SLC25A44: variants seen among roughly 807,000 people sequenced by gnomAD.
SLC25A44 encodes solute carrier family 25, member 44.
In SLC25A44, 17 loss-of-function variants were observed where a neutral mutation model predicts 29.9. The ratio of observed to expected loss-of-function variants is 0.57; its 90% CI spans 0.39 to 0.85. SLC25A44 has a LOEUF of 0.85. SLC25A44 is among the 40% of genes least tolerant of loss of function. The pLI, the probability that SLC25A44 is intolerant of heterozygous loss-of-function variation, is 0.00. For synonymous variants in SLC25A44, 140 were observed against 151.8 expected, an observed-to-expected ratio of 0.92 and a Z score of 0.57; for missense variants, 302 against 398.4, an observed-to-expected ratio of 0.76 and a Z score of 2.06.
intron 2 of SLC25A44, among the ~76,000 whole-genome samples, chr1:156,201,113 AG>A (rs1462805719): frequency 6.6e-6 from 1 of 151,950 alleles, no homozygotes; most frequent in Non-Finnish European, 1.5e-5. Flanking sequence ...GGATTACAGG[AG>A]TGAGACACCA....
chr1:156,206,078 G>C (rs1193160981), intron 2 of SLC25A44, among the ~76,000 whole-genome samples: 5 of 152,002 alleles, frequency 3.3e-5, no homozygotes, highest in Non-Finnish European at 7.4e-5. Flanking sequence ...TGTAGGATGT[G>C]ACTTTCTATT....
chr1:156,207,178 ATTTT>A (rs566114688), intron 2 of SLC25A44, among the ~76,000 whole-genome samples: 3 of 136,050 alleles, frequency 2.2e-5, no homozygotes, highest in South Asian at 2.4e-4. Context: ...TATACAAAAC[ATTTT>A]TTTTTTTTTT....
At chr1:156,206,453 G>T (rs1656938087) in intron 2 of SLC25A44, among the ~76,000 whole-genome samples, 1 of 152,140 alleles carries the variant, frequency 6.6e-6, no homozygotes, top group African/African-American at 2.4e-5. Context: ...GGTCAGGCTA[G>T]TCTCAAATTC....
At chr1:156,205,647 T>C (rs945937933) in intron 2 of SLC25A44, among the ~76,000 whole-genome samples, 4 of 152,128 alleles carry the variant, frequency 2.6e-5, no homozygotes, top group African/African-American at 9.7e-5. Flanking sequence ...TCTCAGAAAA[T>C]AAAAAATAAA....
At position 156,210,354 on chromosome 1, in the gene SLC25A44, A is replaced by G. The variant is rs1657218408; in HGVS notation, c.868A>G (p.Ile290Val). Residue 290 changes from isoleucine to valine, a missense_variant, in exon 4 of 4, where the codon ATT becomes GTT. Transcript: ENST00000359511. The part of the protein sequence containing the change: ...ARIISATPST[I>V]VIVVGYESLK... The stretch of plus-strand genomic sequence containing the variant: ...AATCATCTCAGCCACACCTTCCACC[A>G]TTGTCATTGTGGTGGGCTATGAGAG... 2 of 1,609,076 alleles carry G rather than the reference A, an allele frequency of 1.2e-6. No individual in the cohort carries two copies. Among genetic ancestry groups the G allele is most frequent in the Non-Finnish European group, 1.7e-6 (2 of 1,177,814 alleles).
intron 2 of SLC25A44, among the ~76,000 whole-genome samples, chr1:156,205,034 C>G (rs1257547451): frequency 6.6e-6 from 1 of 151,676 alleles, no homozygotes; most frequent in Non-Finnish European, 1.5e-5. Flanking sequence ...AAACTAGGAG[C>G]ATGAGGAAAA....
At chr1:156,204,296 C>G (rs1176923817) in intron 2 of SLC25A44, among the ~76,000 whole-genome samples, 2 of 151,954 alleles carry the variant, frequency 1.3e-5, no homozygotes, top group Non-Finnish European at 2.9e-5. Context: ...CATGAGCCAC[C>G]GTGCCCTGTC....
chr1:156,194,315 C>G (rs986282812), intron 1 of SLC25A44, 68 bp downstream of exon 1: 3 of 152,672 alleles, frequency 2.0e-5, no homozygotes, highest in Admixed American at 6.5e-5. Flanking sequence ...GTCAGGGAGG[C>G]AAAGGATGCC....
chr1:156,202,037 C>G (rs1656614467), intron 2 of SLC25A44, among the ~76,000 whole-genome samples: 1 of 152,246 alleles, frequency 6.6e-6, no homozygotes, highest in East Asian at 1.9e-4. Context: ...TCATCCCAAG[C>G]TGGCTCTCTT....
intron 2 of SLC25A44, 67 bp downstream of exon 2, chr1:156,200,539 T>G: frequency 7.0e-7 from 1 of 1,430,308 alleles, no homozygotes; most frequent in Non-Finnish European, 9.5e-7. Context: ...TACTGTTGCT[T>G]TGTGCATGTT....
In SLC25A44 at chr1:156,199,992, A is replaced by G. The variant is rs763044202; in HGVS notation, c.145A>G (p.Lys49Glu). Residue 49 changes from lysine to glutamate, a missense_variant, in exon 2 of 4, where the codon AAG (lysine) becomes GAG (glutamate). Lys to Glu is a moderately conservative substitution (Grantham distance 56). Coordinates refer to ENST00000359511, the MANE Select transcript of SLC25A44 (RefSeq NM_014655.4). ...CATCCGCACCCGGTTGCAAGTTCAG[A>G]AGGGGAAGAGCCTCTACCATGGGAC... ...TLIRTRLQVQ[K>E]GKSLYHGTFD... The G allele has an allele frequency of 4.3e-6, 7 of 1,614,158 alleles. No homozygotes were observed. The highest frequency in any genetic ancestry group is 5.9e-6 in the Non-Finnish European group (7 of 1,180,016).
chr1:156,210,204 A>G (rs1414871570), intron 3 of SLC25A44, 36 bp from the exon 4 acceptor site: 2 of 1,444,126 alleles, frequency 1.4e-6, no homozygotes, highest in Non-Finnish European at 1.9e-6. Flanking sequence ...GGCTCTGACT[A>G]CAGACAATGG....
At chr1:156,203,385 T>C (rs570834304) in intron 2 of SLC25A44, among the ~76,000 whole-genome samples, 1 of 152,334 alleles carries the variant, frequency 6.6e-6, no homozygotes, top group South Asian at 2.1e-4. Context: ...TTTGCAGTTA[T>C]TTTACCCCCA....
At chr1:156,210,197 T>A in intron 3 of SLC25A44, 43 bp from the exon 4 acceptor site, 1 of 1,409,696 alleles carries the variant, frequency 7.1e-7, no homozygotes, top group South Asian at 1.4e-5. Context: ...GCAGAGGGGC[T>A]CTGACTACAG....
intron 2 of SLC25A44, 69 bp downstream of exon 2, chr1:156,200,541 G>T (rs570978224): frequency 7.7e-6 from 11 of 1,419,884 alleles, no homozygotes; most frequent in Non-Finnish European, 1.0e-5. Flanking sequence ...CTGTTGCTTT[G>T]TGCATGTTAG....
chr1:156,210,518 C>A lies in SLC25A44; in HGVS notation c.*87C>A, dbSNP rs1223989740. 3 of 973,658 alleles carry A rather than the reference C, an allele frequency of 3.1e-6. No homozygotes were observed. Among genetic ancestry groups the A allele is most frequent in the Non-Finnish European group, 4.4e-6 (3 of 680,062 alleles). 60.3% of individuals were successfully genotyped at this position (973,658 alleles called of 1,614,324 possible). On this transcript the variant is annotated 3_prime_UTR_variant, in exon 4 of 4. Transcript: ENST00000359511. ...GAGGACAGCACCCTCTCCAGGTGCT[C>A]CCACCACACACCCAGCCCTGCCCTG...
chr1:156,202,708 T>C (rs2842861), intron 2 of SLC25A44, among the ~76,000 whole-genome samples: 148,601 of 152,334 alleles, frequency 0.98, 72,499 homozygotes, highest in African/African-American at 0.99. Flanking sequence ...ATACATTTGC[T>C]TTGATGTTAT....
At chr1:156,194,496 A>T (rs1427812219) in intron 1 of SLC25A44, among the ~76,000 whole-genome samples, 1 of 152,124 alleles carries the variant, frequency 6.6e-6, no homozygotes, top group African/African-American at 2.4e-5. Context: ...AGGCTGCATA[A>T]AGGGGGTGTC....
rs992597895 is a variant in SLC25A44 at position 156,210,448 on chromosome 1, A to G, written c.*17A>G. On this transcript the variant is annotated 3_prime_UTR_variant, in exon 4 of 4. Coordinates refer to ENST00000359511, the MANE Select transcript of SLC25A44 (RefSeq NM_014655.4). ...CACTGGTAACCAGTGGTGGGGAGAG[A>G]AGCCTGCTGTTTTCCACACTACCGT... 12 of 1,537,922 alleles carry G rather than the reference A, an allele frequency of 7.8e-6. No homozygotes were observed. Among genetic ancestry groups the G allele is most frequent in the African/African-American group, 1.4e-5 (1 of 72,196 alleles).
Sources: gnomAD v4.1 joint callset for allele counts (sites outside exome capture counted in the v4.1 genomes callset) on GRCh38, gnomAD v4.1.1 for gene constraint, MANE v1.5 for transcripts, NCBI Gene and HGNC (gene_info 2026-07-23, HGNC 2026-07-21) for gene names.